The following SULF1 variants were observed in gnomAD, a reference collection of about 807,000 sequenced individuals.
SULF1 encodes sulfatase 1.
In SULF1, 46 loss-of-function variants were observed where a neutral mutation model predicts 110.5. The observed-to-expected ratio is 0.42, with a 90% CI of 0.33 to 0.53. The LOEUF (loss-of-function observed/expected upper bound fraction) is 0.53. Among genes scored for constraint, SULF1 ranks in the 20% least tolerant of loss-of-function variants. The probability of loss-of-function intolerance (pLI) is 0.12; values close to 1 mark genes in which losing one functional copy is unlikely to be tolerated. For synonymous variants in SULF1, 371 were observed against 387.1 expected (o/e 0.96, Z 0.49); for missense variants, 941 against 1,094.2 (o/e 0.86, Z 1.98).
rs556352400 is a variant in SULF1 at position 69,503,492 on chromosome 8, T to C, written c.-134+1524T>C. Among the ~76,000 whole-genome samples the C allele has an allele frequency of 5.9e-5, 9 of 152,268 alleles. No homozygotes were observed. In the South Asian group the frequency reaches 1.9e-3, roughly 32 times the overall value. On this transcript the variant is annotated intron_variant, in intron 3 of 22. Transcript: ENST00000402687. ...AATGTTTAATAATTCAATGAACAAG[T>C]TCATTGAATAACTAATAAGTTCAAT...
intron 14 of SULF1, 51 bp downstream of exon 14, chr8:69,621,302 T>G: frequency 1.4e-6 from 2 of 1,416,120 alleles, no homozygotes; most frequent in Non-Finnish European, 1.9e-6. Context: ...CCTGTGGGAA[T>G]AAACAATAGA....
intron 19 of SULF1, among the ~76,000 whole-genome samples, chr8:69,633,030 AAAAAG>A (rs1280129148): frequency 7.9e-5 from 12 of 152,184 alleles, no homozygotes; most frequent in Admixed American, 2.0e-4. Flanking sequence ...AAGAAAAAAA[AAAAAG>A]AAAAGAAAGA....
At chr8:69,529,703 T>G (rs1812952402) in intron 3 of SULF1, among the ~76,000 whole-genome samples, 1 of 152,184 alleles carries the variant, frequency 6.6e-6, no homozygotes, top group South Asian at 2.1e-4. Flanking sequence ...GGCAGGTTGG[T>G]GCTGGCTGCT....
intron 3 of SULF1, among the ~76,000 whole-genome samples, chr8:69,524,562 A>G (rs1022290633): frequency 6.6e-6 from 1 of 152,170 alleles, no homozygotes; most frequent in African/African-American, 2.4e-5. Flanking sequence ...CCCCTCCACC[A>G]TGCCCCACCT....
At chr8:69,573,411 C>T (rs947537191) in intron 5 of SULF1, among the ~76,000 whole-genome samples, 2 of 152,194 alleles carry the variant, frequency 1.3e-5, no homozygotes, top group African/African-American at 2.4e-5. Flanking sequence ...ATTTCTACCT[C>T]GGTCCCATAT....
chr8:69,604,821 G>A lies in SULF1; in HGVS notation c.1266G>A (p.Lys422=). The change falls in exon 13 of 23, where the codon AAG becomes AAA. Residue 422 remains lysine, a synonymous_variant. Transcript: ENST00000402687. ...GTCGAAGCAAATTTCTACGTAAGAA[G>A]GAAGAATCCAGCAAGAATATCCAAC... ...LVERGKFLRK[K]EESSKNIQQS... is the part of the protein sequence containing the mutation. 6.2e-7 allele frequency: 1 copy of A among 1,613,972 alleles called. No individual in the cohort carries two copies. Among genetic ancestry groups the A allele is most frequent in the Admixed American group, 1.7e-5 (1 of 60,004 alleles).
At chr8:69,650,339 A>G (rs996393126) in intron 22 of SULF1, among the ~76,000 whole-genome samples, 2 of 152,074 alleles carry the variant, frequency 1.3e-5, no homozygotes, top group South Asian at 4.1e-4. Context: ...ACTGTAAAGA[A>G]GAGATTTCCC....
intron 13 of SULF1, among the ~76,000 whole-genome samples, chr8:69,609,349 A>G (rs967396340): frequency 2.0e-5 from 3 of 152,186 alleles, no homozygotes; most frequent in Admixed American, 6.5e-5. Flanking sequence ...CTGTCTCAGA[A>G]AAACAAAACT....
At chr8:69,621,720 T>C (rs1809626782) in intron 14 of SULF1, among the ~76,000 whole-genome samples, 1 of 152,238 alleles carries the variant, frequency 6.6e-6, no homozygotes, top group African/African-American at 2.4e-5. Context: ...TTTAGGACAA[T>C]ATATGTATGT....
chr8:69,653,964 C>T (rs1375577842), intron 22 of SULF1, among the ~76,000 whole-genome samples: 7 of 152,186 alleles, frequency 4.6e-5, no homozygotes, highest in Non-Finnish European at 1.0e-4. Flanking sequence ...TTGCATTCAG[C>T]CATCAATAAT....
intron 1 of SULF1, among the ~76,000 whole-genome samples, chr8:69,487,421 A>G (rs939896934): frequency 6.6e-6 from 1 of 152,252 alleles, no homozygotes. Context: ...CAAGTGAGGA[A>G]TCCTTTGAAG....
chr8:69,649,445 C>G (rs990679347), intron 22 of SULF1, among the ~76,000 whole-genome samples: 1 of 152,216 alleles, frequency 6.6e-6, no homozygotes, highest in Non-Finnish European at 1.5e-5. Context: ...AAGCAATTGT[C>G]AAATCTACAT....
intron 15 of SULF1, among the ~76,000 whole-genome samples, chr8:69,625,454 G>A (rs1433602135): frequency 6.6e-6 from 1 of 152,230 alleles, no homozygotes; most frequent in Non-Finnish European, 1.5e-5. Flanking sequence ...CCCTCGTGGT[G>A]AGTGTTACAG....
chr8:69,636,781 G>A (rs576248948), intron 19 of SULF1, among the ~76,000 whole-genome samples: 48 of 152,206 alleles, frequency 3.2e-4, no homozygotes, highest in Non-Finnish European at 5.7e-4. Flanking sequence ...AGAAGAATTG[G>A]GCCCTTTCTG....
Position 69,627,265 on chromosome 8 carries a change from G to T in SULF1, c.1906G>T (p.Ala636Ser). Residue 636 changes from alanine (A) to serine (S), a missense_variant, in exon 16 of 23, where the codon GCC becomes TCC. Around this residue, in one of 3 missense-constraint regions of SULF1, gnomAD observed 822 missense variants for 934.3 expected, o/e 0.88. Transcript: ENST00000402687. The part of the protein sequence containing the change: ...IHCERELYQS[A>S]RAWKDHKAYI... ...TTGTGAGAGAGAACTGTACCAATCG[G>T]CCAGAGCGTGGAAGGACCATAAGGC... The T allele has an allele frequency of 6.2e-7, 1 of 1,614,102 alleles. No individual in the cohort carries two copies. The highest frequency in any genetic ancestry group is 8.5e-7 in the Non-Finnish European group (1 of 1,179,996).
chr8:69,532,271 T>G (rs546266366), intron 3 of SULF1, among the ~76,000 whole-genome samples: 64 of 152,228 alleles, frequency 4.2e-4, no homozygotes, highest in Non-Finnish European at 7.6e-4. Context: ...CAAGTCATTC[T>G]ATGTCTTAAA....
chr8:69,498,802 C>G (rs1331481396), intron 2 of SULF1, among the ~76,000 whole-genome samples: 1 of 152,168 alleles, frequency 6.6e-6, no homozygotes, highest in African/African-American at 2.4e-5. Context: ...CCCAAAGAAG[C>G]TGGCCTGAGG....
At position 69,566,108 on chromosome 8, in the gene SULF1, GCCTGTC is replaced by G. The variant is rs576308374; in HGVS notation, c.172+1965_172+1970del. On this transcript the variant is annotated intron_variant, in intron 5 of 22. Transcript: ENST00000402687. ...TGCTCATTCCACCATAGCCTTCCAT[GCCTGTC>G]CCTTCCACTTGACCAAGATCAACCA... Among the ~76,000 whole-genome samples, 202 of 151,838 alleles carry G rather than the reference GCCTGTC, an allele frequency of 1.3e-3. 2 individuals carry two copies. The highest frequency in any genetic ancestry group is 2.6e-3 in the Admixed American group (39 of 15,244).
intron 22 of SULF1, among the ~76,000 whole-genome samples, chr8:69,658,291 T>C (rs971818153): frequency 2.6e-5 from 4 of 152,186 alleles, no homozygotes; most frequent in African/African-American, 9.7e-5. Flanking sequence ...GTCATAGATG[T>C]TTTCACGAAT....
Sources: allele counts gnomAD v4.1 joint callset (sites outside exome capture counted in the v4.1 genomes callset), GRCh38; gene constraint gnomAD v4.1.1; regional missense constraint gnomAD v4.1.1; transcripts MANE v1.5; gene names NCBI Gene and HGNC (gene_info 2026-07-23, HGNC 2026-07-21).